ABCC1: variants seen among roughly 807,000 people sequenced by gnomAD.
ABCC1 encodes ATP binding cassette subfamily C member 1 (ABCC1 blood group).
Under a neutral mutation model 172.9 loss-of-function variants are expected in ABCC1, and 83 were observed. That is an observed-to-expected ratio of 0.48 (90% CI 0.40 to 0.58). ABCC1 has a LOEUF of 0.58. Ranked by LOEUF, ABCC1 falls within the 20% of genes least tolerant of loss-of-function variation. The pLI, the probability that ABCC1 is intolerant of heterozygous loss-of-function variation, is 0.00. For synonymous variants in ABCC1, 937 were observed against 825.2 expected (o/e 1.14, Z -2.32); for missense variants, 1,817 against 2,002.7 (o/e 0.91, Z 1.77).
intron 1 of ABCC1, among the ~76,000 whole-genome samples, chr16:16,001,806 T>C (rs1489749419): frequency 6.6e-6 from 1 of 152,172 alleles, no homozygotes; most frequent in African/African-American, 2.4e-5. Context: ...GGAGTATGAA[T>C]TGATGTTCCC....
intron 12 of ABCC1, among the ~76,000 whole-genome samples, chr16:16,064,962 C>T (rs1419620788): frequency 6.6e-6 from 1 of 152,194 alleles, no homozygotes; most frequent in Non-Finnish European, 1.5e-5. Flanking sequence ...GGGCGGCTTG[C>T]AGTTTTAAGT....
intron 1 of ABCC1, 54 bp from the exon 2 acceptor site, chr16:16,007,762 T>G: frequency 6.6e-7 from 1 of 1,525,850 alleles, no homozygotes; most frequent in South Asian, 1.3e-5. Flanking sequence ...CCAGGCGAGC[T>G]CCTGTCCTCT....
Position 16,013,169 on chromosome 16 carries a change from C to T in ABCC1, c.352-1322C>T, listed in dbSNP as rs45548732. Reference sequence around the variant, plus strand: ...AGATCTCTGGGATGGAATGGAGGACCACCAGCTCAGCTGTGAATGTGTCAG... The same window carrying T: ...AGATCTCTGGGATGGAATGGAGGACTACCAGCTCAGCTGTGAATGTGTCAG... On this transcript the variant is annotated intron_variant, in intron 3 of 30. Coordinates refer to ENST00000399410, the MANE Select transcript of ABCC1 (RefSeq NM_004996.4). Among the ~76,000 whole-genome samples, 914 of 152,214 alleles carry T rather than the reference C, an allele frequency of 6.0e-3. 10 individuals carry two copies. Among genetic ancestry groups the T allele is most frequent in the African/African-American group, 0.021 (874 of 41,524 alleles).
intron 27 of ABCC1, 45 bp downstream of exon 27, chr16:16,131,980 A>G (rs201404814): frequency 4.3e-5 from 69 of 1,593,386 alleles, no homozygotes; most frequent in Non-Finnish European, 5.7e-5. Flanking sequence ...CCAGTCGGGC[A>G]CAGGGTGCCA....
intron 1 of ABCC1, among the ~76,000 whole-genome samples, chr16:15,975,659 C>T (rs1005158401): frequency 2.6e-5 from 4 of 151,596 alleles, no homozygotes; most frequent in South Asian, 2.1e-4. Flanking sequence ...TGGGTTCAAA[C>T]GATTCTCCTT....
chr16:16,141,414 A>C lies in ABCC1; in HGVS notation c.*133A>C. The C allele has an allele frequency of 1.3e-6, 1 of 755,866 alleles. No homozygotes were observed. Among genetic ancestry groups the C allele is most frequent in the Non-Finnish European group, 2.1e-6 (1 of 465,338 alleles). The allele number at this position is 755,866 out of a possible 1,614,324, so 46.8% of individuals were successfully genotyped here. ...TAAAAACCAAACCCAGACAACCAAA[A>C]CATATTCAAAGCAGCAGCCACCGCC... On this transcript the variant is annotated 3_prime_UTR_variant, in exon 31 of 31. Transcript: ENST00000399410.
intron 7 of ABCC1, among the ~76,000 whole-genome samples, chr16:16,041,203 A>AT (rs1331855682): frequency 6.6e-6 from 1 of 150,954 alleles, no homozygotes; most frequent in African/African-American, 2.4e-5. Flanking sequence ...AAGTGCTGGT[A>AT]TTACAGGCGT....
At chr16:16,050,494 T>C (rs2049382073) in intron 10 of ABCC1, among the ~76,000 whole-genome samples, 1 of 148,358 alleles carries the variant, frequency 6.7e-6, no homozygotes, top group Admixed American at 6.6e-5. Flanking sequence ...AAATTACTGG[T>C]TTATTTGGCT....
intron 1 of ABCC1, among the ~76,000 whole-genome samples, chr16:15,973,059 T>G (rs2046404977): frequency 6.6e-6 from 1 of 152,140 alleles, no homozygotes; most frequent in Admixed American, 6.6e-5. Context: ...CCTCCCAAAG[T>G]GCTGGGATGA....
chr16:16,102,595 C>G, intron 19 of ABCC1, 32 bp from the exon 20 acceptor site: 3 of 1,552,352 alleles, frequency 1.9e-6, no homozygotes, highest in African/African-American at 1.4e-5. Context: ...CTCATATAAC[C>G]CCACTTGCCC....
intron 5 of ABCC1, among the ~76,000 whole-genome samples, chr16:16,025,801 C>G (rs1185182765): frequency 6.6e-6 from 1 of 152,196 alleles, no homozygotes; most frequent in Non-Finnish European, 1.5e-5. Context: ...TTGGATGAAT[C>G]AGGCTTTTCC....
intron 9 of ABCC1, among the ~76,000 whole-genome samples, 188 bp from the exon 10 acceptor site, chr16:16,047,954 C>T (rs925432704): frequency 1.6e-4 from 25 of 152,174 alleles, no homozygotes; most frequent in Non-Finnish European, 2.8e-4. Flanking sequence ...CACTGAGCAC[C>T]GCGGATAAGA....
At chr16:16,049,211 G>T (rs759714498) in intron 10 of ABCC1, among the ~76,000 whole-genome samples, 13 of 152,064 alleles carry the variant, frequency 8.5e-5, no homozygotes, top group Non-Finnish European at 1.9e-4. Flanking sequence ...GATAGATAAA[G>T]GTGCCAGAGA....
At position 16,136,690 on chromosome 16, in the gene ABCC1, G is replaced by C. The variant is rs375406031; in HGVS notation, c.4292+46G>C. 3.1e-6 allele frequency: 5 copies of C among 1,597,752 alleles called. No homozygotes were observed. The South Asian group carries it at 5.6e-5, about 18-fold the overall frequency. On this transcript the variant is annotated intron_variant, in intron 29 of 30. Transcript: ENST00000399410. The stretch of plus-strand genomic sequence containing the variant: ...AGACACCGGGTAAGGTGTCCTAGGC[G>C]CCATCTCGGTAGGGGTGTTTGAAGA...
At chr16:16,071,564 C>T (rs2050348884) in intron 13 of ABCC1, 78 bp from the exon 14 acceptor site, 2 of 1,227,306 alleles carry the variant, frequency 1.6e-6, no homozygotes, top group Middle Eastern at 1.9e-4. Context: ...CTGGGGAAAC[C>T]CTTGAAAGTT....
At chr16:16,067,794 C>A (rs563591641) in intron 12 of ABCC1, among the ~76,000 whole-genome samples, 2 of 152,160 alleles carry the variant, frequency 1.3e-5, no homozygotes, top group South Asian at 4.2e-4. Context: ...TCAGGTGGCC[C>A]CCTGGATGGA....
chr16:16,020,513 G>A (rs45593831), intron 5 of ABCC1, among the ~76,000 whole-genome samples: 4 of 152,170 alleles, frequency 2.6e-5, no homozygotes, highest in Non-Finnish European at 2.9e-5. Context: ...ACAGCCACTC[G>A]CGTTCATCAC....
chr16:15,983,477 C>T (rs2046673856), intron 1 of ABCC1, among the ~76,000 whole-genome samples: 1 of 151,518 alleles, frequency 6.6e-6, no homozygotes, highest in South Asian at 2.1e-4. Flanking sequence ...GGGTTTTCAC[C>T]CAGGTCATGC....
chr16:16,071,931 C>T (rs1248348039), intron 14 of ABCC1, among the ~76,000 whole-genome samples: 3 of 152,200 alleles, frequency 2.0e-5, no homozygotes, highest in Non-Finnish European at 2.9e-5. Flanking sequence ...TCTGTCCTGT[C>T]TCACACTTCC....
Sources: allele counts gnomAD v4.1 joint callset (sites outside exome capture counted in the v4.1 genomes callset), GRCh38; gene constraint gnomAD v4.1.1; transcripts MANE v1.5; gene names NCBI Gene and HGNC (gene_info 2026-07-23, HGNC 2026-07-21).